OPA1: variants seen among roughly 807,000 people sequenced by gnomAD.
The protein encoded by OPA1 is OPA1 mitochondrial dynamin like GTPase.
OPA1 carries 59 observed loss-of-function variants against 152.9 expected under a neutral mutation model. The ratio of observed to expected loss-of-function variants is 0.39; its 90% CI spans 0.31 to 0.48. OPA1 has a LOEUF of 0.48. Ranked by LOEUF, OPA1 falls within the 20% of genes least tolerant of loss-of-function variation. The pLI is 0.96. For synonymous variants in OPA1, 400 were observed against 389.9 expected (o/e 1.03, Z -0.31); for missense variants, 1,008 against 1,216.8 (o/e 0.83, Z 2.55).
intron 29 of OPA1, chr3:193,691,721 CTG>C (rs1175131540): frequency 2.3e-5 from 4 of 175,328 alleles, no homozygotes; most frequent in Admixed American, 1.7e-4. Flanking sequence ...ACATTAGTAA[CTG>C]TGGGTTCTTA....
At chr3:193,693,859 G>GTA (rs1212195292) in intron 30 of OPA1, among the ~76,000 whole-genome samples, 8 of 152,112 alleles carry the variant, frequency 5.3e-5, no homozygotes, top group Admixed American at 5.2e-4. Context: ...ATAAACATCT[G>GTA]TAGCGCCTCC....
intron 6 of OPA1, among the ~76,000 whole-genome samples, chr3:193,624,498 T>C (rs945941490): frequency 3.9e-5 from 6 of 152,146 alleles, no homozygotes; most frequent in Admixed American, 2.0e-4. Context: ...AGAAAATAAA[T>C]CAGGTTACTC....
At chr3:193,688,458 T>C (rs1245552953) in intron 29 of OPA1, among the ~76,000 whole-genome samples, 2 of 25,370 alleles carry the variant, frequency 7.9e-5, no homozygotes, top group Admixed American at 3.8e-4. Flanking sequence ...TCTTTTTTTT[T>C]TTTTTTTTTT....
At chr3:193,603,767 A>AT (rs1196166172) in intron 1 of OPA1, among the ~76,000 whole-genome samples, 6 of 151,406 alleles carry the variant, frequency 4.0e-5, no homozygotes, top group East Asian at 1.9e-4. Context: ...CCTGACTGAT[A>AT]TTTTTTTTTC....
At chr3:193,637,742 C>G (rs1733167119) in intron 10 of OPA1, among the ~76,000 whole-genome samples, 1 of 152,092 alleles carries the variant, frequency 6.6e-6, no homozygotes, top group African/African-American at 2.4e-5. Flanking sequence ...AAAAATTAGG[C>G]TATAAACAGT....
chr3:193,690,333 G>C (rs1202948891), intron 29 of OPA1, among the ~76,000 whole-genome samples: 1 of 92,350 alleles, frequency 1.1e-5, no homozygotes, highest in African/African-American at 4.6e-5. Flanking sequence ...CACACACACA[G>C]ATTTTATATC....
At chr3:193,642,229 G>C (rs1733884634) in intron 11 of OPA1, among the ~76,000 whole-genome samples, 1 of 152,164 alleles carries the variant, frequency 6.6e-6, no homozygotes, top group Non-Finnish European at 1.5e-5. Context: ...GGCACCCTAG[G>C]TTTTGTCACT....
At chr3:193,603,164 G>A (rs1560310549) in intron 1 of OPA1, among the ~76,000 whole-genome samples, 1 of 152,238 alleles carries the variant, frequency 6.6e-6, no homozygotes, top group African/African-American at 2.4e-5. Context: ...ATGATGAGCT[G>A]TGGAGAGCTT....
intron 18 of OPA1, among the ~76,000 whole-genome samples, chr3:193,646,860 C>T (rs938099088): frequency 2.6e-5 from 4 of 152,158 alleles, no homozygotes; most frequent in African/African-American, 9.7e-5. Flanking sequence ...GTTACACTAG[C>T]CACACATTTC....
At chr3:193,629,969 G>A (rs931029875) in intron 7 of OPA1, among the ~76,000 whole-genome samples, 2 of 152,144 alleles carry the variant, frequency 1.3e-5, no homozygotes, top group Admixed American at 1.3e-4. Flanking sequence ...GCTACAGTTG[G>A]ATAAATATTT....
rs565649852 is a variant in OPA1 at position 193,690,225 on chromosome 3, A to G, written c.2984-1838A>G. ...TTAAGTTTCTCTAGTTTAATTTTAT[A>G]TATAAGGGGTTAATGCTACCTTCAT... On this transcript the variant is annotated intron_variant, in intron 29 of 30. Coordinates refer to ENST00000361510, the MANE Select transcript of OPA1 (RefSeq NM_130837.3). Among the ~76,000 whole-genome samples, 305 of 151,372 alleles carry G rather than the reference A, an allele frequency of 2.0e-3. 1 individual carries two copies. The highest frequency in any genetic ancestry group is 7.2e-3 in the African/African-American group (297 of 41,220).
intron 29 of OPA1, among the ~76,000 whole-genome samples, chr3:193,681,513 G>A (rs1052378964): frequency 1.3e-5 from 2 of 152,202 alleles, no homozygotes; most frequent in African/African-American, 4.8e-5. Flanking sequence ...GCCCCTCAAA[G>A]TGCATGCTCA....
chr3:193,690,856 C>T (rs1441271375), intron 29 of OPA1, among the ~76,000 whole-genome samples: 1 of 152,160 alleles, frequency 6.6e-6, no homozygotes, highest in East Asian at 1.9e-4. Flanking sequence ...TTGATCATTT[C>T]CACTAATATG....
intron 25 of OPA1, among the ~76,000 whole-genome samples, chr3:193,661,419 T>G (rs928068438): frequency 6.6e-6 from 1 of 152,180 alleles, no homozygotes; most frequent in East Asian, 1.9e-4. Context: ...TTCTCTATCC[T>G]TTCTATCCCT....
At chr3:193,640,663 T>G (rs1484747907) in intron 11 of OPA1, among the ~76,000 whole-genome samples, 1 of 152,216 alleles carries the variant, frequency 6.6e-6, no homozygotes, top group Non-Finnish European at 1.5e-5. Flanking sequence ...AGTCAAGTGA[T>G]ATTAGGATTA....
intron 24 of OPA1, 143 bp from the exon 25 acceptor site, chr3:193,659,339 G>A (rs2109191191): frequency 1.4e-6 from 1 of 710,270 alleles, no homozygotes; most frequent in East Asian, 2.7e-5. Flanking sequence ...TGCCATATCA[G>A]TCATGTGGGT....
chr3:193,646,794 AT>A (rs1246108236), intron 18 of OPA1, among the ~76,000 whole-genome samples: 1 of 152,192 alleles, frequency 6.6e-6, no homozygotes, highest in East Asian at 1.9e-4. Context: ...AAAATAAAAT[AT>A]AACATTAAAT....
intron 1 of OPA1, among the ~76,000 whole-genome samples, chr3:193,600,260 C>T (rs541157200): frequency 3.9e-5 from 6 of 152,308 alleles, no homozygotes; most frequent in South Asian, 2.1e-4. Context: ...CTTATTTGGT[C>T]TCAGTGTGGA....
At chr3:193,656,299 A>C (rs572494367) in intron 22 of OPA1, among the ~76,000 whole-genome samples, 1 of 152,242 alleles carries the variant, frequency 6.6e-6, no homozygotes, top group South Asian at 2.1e-4. Flanking sequence ...GTCAGGAAAC[A>C]TGGATCTTAA....
Sources: gnomAD v4.1 joint callset for allele counts (sites outside exome capture counted in the v4.1 genomes callset) on GRCh38, gnomAD v4.1.1 for gene constraint, MANE v1.5 for transcripts, NCBI Gene and HGNC (gene_info 2026-07-23, HGNC 2026-07-21) for gene names.